Variants in ERLIN2 observed in about 807,000 individuals in gnomAD.
ERLIN2 encodes the protein erlin-2.
In ERLIN2, 22 loss-of-function variants were observed where a neutral mutation model predicts 41.5. That is an observed-to-expected ratio of 0.53 (90% CI 0.38 to 0.76). The LOEUF (loss-of-function observed/expected upper bound fraction) is 0.76. ERLIN2 is among the 30% of genes least tolerant of loss of function. The pLI is 0.00. For synonymous variants in ERLIN2, 149 were observed against 150.9 expected (o/e 0.99, Z 0.09); for missense variants, 247 against 414.3 (o/e 0.60, Z 3.51).
chr8:37,740,456 G>C lies in ERLIN2; in HGVS notation c.189+10G>C. On this transcript the variant is annotated intron_variant, in intron 3 of 11. Transcript: ENST00000519638. ...ATATAAGTCTGTGCAGGTATGCTTG[G>C]CCTCTGTGGTATGGCTGGACGACTG... 1.2e-6 allele frequency: 2 copies of C among 1,607,670 alleles called. No individual in the cohort carries two copies. The highest frequency in any genetic ancestry group is 1.7e-6 in the Non-Finnish European group (2 of 1,174,950).
chr8:37,741,705 G>A lies in ERLIN2; in HGVS notation c.190-67G>A, dbSNP rs1410139397. ...GTTATTCCAGGACAAAGGCATTTAG[G>A]ATTCTGAAAAGTAAGTTACTTTGTC... On this transcript the variant is annotated intron_variant, in intron 3 of 11. Transcript: ENST00000519638. The surrounding 1 kb of genome is among the most constrained non-coding windows in gnomAD (Gnocchi z 4.8). 6 of 1,204,746 alleles carry A rather than the reference G, an allele frequency of 5.0e-6. No individual in the cohort carries two copies. Among genetic ancestry groups the A allele is most frequent in the Admixed American group, 1.7e-5 (1 of 59,412 alleles). The allele number at this position is 1,204,746 out of a possible 1,614,324, so 74.6% of individuals were successfully genotyped here. A position where few individuals can be genotyped will look rare whatever the true frequency, so the allele number is the denominator to read the frequency against.
intron 6 of ERLIN2, chr8:37,747,702 G>T (rs1803099584): frequency 6.3e-7 from 1 of 1,580,856 alleles, no homozygotes; most frequent in Admixed American, 1.7e-5. Context: ...GGGATTGGTA[G>T]AAGAGCAGCA....
chr8:37,750,362 C>T (rs1410086835), intron 8 of ERLIN2, 33 bp from the exon 9 acceptor site: 2 of 1,565,328 alleles, frequency 1.3e-6, no homozygotes, highest in Admixed American at 1.7e-5. Context: ...CTGAGTTTTC[C>T]ATAGCTGCCT....
chr8:37,745,179 A>T (rs1380238938), intron 6 of ERLIN2: 2 of 476,154 alleles, frequency 4.2e-6, no homozygotes, highest in Non-Finnish European at 7.4e-6. Context: ...TCTTCTCACC[A>T]TGCAACACTG....
In ERLIN2 at chr8:37,744,672, C is replaced by G; in HGVS notation, c.400C>G (p.Gln134Glu). 6.2e-7 allele frequency: 1 copy of G among 1,614,166 alleles called. No individual in the cohort carries two copies. Among genetic ancestry groups the G allele is most frequent in the South Asian group, 1.1e-5 (1 of 91,088 alleles). Residue 134 changes from glutamine to glutamate, a missense_variant, in exon 6 of 12, where the codon CAA becomes GAA. This residue lies in a region of ERLIN2 where 153 missense variants were observed against 256.4 expected (regional missense o/e 0.60). Transcript: ENST00000519638. ...LNQFCSVHTL[Q>E]EVYIELFDQI... Reference sequence around the variant, plus strand: ...CCAGTTCTGCAGTGTGCACACGCTTCAAGAGGTCTACATTGAGCTGTTTGG... The same window carrying G: ...CCAGTTCTGCAGTGTGCACACGCTTGAAGAGGTCTACATTGAGCTGTTTGG...
Position 37,744,342 on chromosome 8 carries a change from C to G in ERLIN2, c.237-13C>G, listed in dbSNP as rs1563313080. The stretch of plus-strand genomic sequence containing the variant: ...GCTTCCCAGTGACTTCTTGTCCATT[C>G]TCCCTCCAATAGTGGTGGTGTGATG... On this transcript the variant is annotated splice_polypyrimidine_tract_variant and intron_variant, in intron 4 of 11. Coordinates refer to ENST00000519638, the MANE Select transcript of ERLIN2 (RefSeq NM_007175.8). 6.2e-7 allele frequency: 1 copy of G among 1,611,856 alleles called. No homozygotes were observed. Among genetic ancestry groups the G allele is most frequent in the Non-Finnish European group, 8.5e-7 (1 of 1,177,870 alleles).
At chr8:37,746,695 T>C (rs1803064597) in intron 6 of ERLIN2, 1 of 219,112 alleles carries the variant, frequency 4.6e-6, no homozygotes, top group South Asian at 1.6e-4. Flanking sequence ...GGATCTGAGC[T>C]GTCTTACCCG....
At chr8:37,750,542 G>A in intron 9 of ERLIN2, 56 bp downstream of exon 9, 1 of 1,455,414 alleles carries the variant, frequency 6.9e-7, no homozygotes, top group Non-Finnish European at 9.6e-7. Flanking sequence ...GGGGTGGTGG[G>A]AAGATGCAAG....
At chr8:37,745,786 T>C (rs1803024955) in intron 6 of ERLIN2, 1 of 1,444,256 alleles carries the variant, frequency 6.9e-7, no homozygotes, top group Non-Finnish European at 9.1e-7. Flanking sequence ...TGTAGTCTTT[T>C]ATCTGTTTTG....
intron 2 of ERLIN2, among the ~76,000 whole-genome samples, chr8:37,738,275 T>C (rs960273821): frequency 1.3e-5 from 2 of 152,222 alleles, no homozygotes; most frequent in Non-Finnish European, 2.9e-5. Flanking sequence ...TTAATAAATG[T>C]GTATATAGAT....
rs1309569327 is a variant in ERLIN2 at position 37,741,133 on chromosome 8, C to A, written c.190-639C>A. 6.6e-6 allele frequency among the ~76,000 whole-genome samples: 1 copy of A among 152,146 alleles called. No individual in the cohort carries two copies. The highest frequency in any genetic ancestry group is 2.4e-5 in the African/African-American group (1 of 41,434). ...GCTGAGCATGTGCTAGGGTCTGAGACAGGTTAAATAGGTAATCTGCTGTTT... is the reference window on the plus strand; with the variant it reads ...GCTGAGCATGTGCTAGGGTCTGAGAAAGGTTAAATAGGTAATCTGCTGTTT... On this transcript the variant is annotated intron_variant, in intron 3 of 11. Coordinates refer to ENST00000519638, the MANE Select transcript of ERLIN2 (RefSeq NM_007175.8). The surrounding 1 kb of genome is among the most constrained non-coding windows in gnomAD (Gnocchi z 4.8).
In ERLIN2 at chr8:37,749,651, G is replaced by C; in HGVS notation, c.498+19G>C. 1 of 1,590,268 alleles carries C rather than the reference G, an allele frequency of 6.3e-7. No homozygotes were observed. Among genetic ancestry groups the C allele is most frequent in the Non-Finnish European group, 8.6e-7 (1 of 1,158,276 alleles). On this transcript the variant is annotated intron_variant, in intron 7 of 11. Coordinates refer to ENST00000519638, the MANE Select transcript of ERLIN2 (RefSeq NM_007175.8). Reference sequence around the variant, plus strand: ...CATTCAAGTAAGCATTGCTGCATGGGAGCAGCCCCTCTCTCTCTGACACTG... The same window carrying C: ...CATTCAAGTAAGCATTGCTGCATGGCAGCAGCCCCTCTCTCTCTGACACTG...
At chr8:37,748,941 C>T (rs575599792) in intron 6 of ERLIN2, among the ~76,000 whole-genome samples, 17 of 152,220 alleles carry the variant, frequency 1.1e-4, no homozygotes, top group African/African-American at 4.1e-4. Context: ...AAATCAGGAC[C>T]AAAGCAAACA....
At chr8:37,748,693 A>G (rs1803135867) in intron 6 of ERLIN2, among the ~76,000 whole-genome samples, 2 of 152,244 alleles carry the variant, frequency 1.3e-5, no homozygotes, top group Admixed American at 1.3e-4. Flanking sequence ...GATGCAGTGT[A>G]CAAGTCCCAG....
At chr8:37,747,556 T>A in intron 6 of ERLIN2, 1 of 1,612,442 alleles carries the variant, frequency 6.2e-7, no homozygotes, top group Non-Finnish European at 8.5e-7. Context: ...CTTGCCCATG[T>A]CTTTGGTCCG....
At chr8:37,750,339 G>A in intron 8 of ERLIN2, 56 bp from the exon 9 acceptor site, 1 of 1,341,738 alleles carries the variant, frequency 7.5e-7, no homozygotes, top group Non-Finnish European at 1.1e-6. Flanking sequence ...CTTACCTGGG[G>A]ATAGTGAAGC....
At chr8:37,752,905 G>A (rs1342891942) in intron 10 of ERLIN2, among the ~76,000 whole-genome samples, 1 of 152,184 alleles carries the variant, frequency 6.6e-6, no homozygotes, top group Non-Finnish European at 1.5e-5. Context: ...AATGATTGAT[G>A]GAAATAAAAG....
intron 6 of ERLIN2, among the ~76,000 whole-genome samples, chr8:37,746,836 A>G (rs1160610734): frequency 1.3e-5 from 2 of 152,258 alleles, no homozygotes; most frequent in Non-Finnish European, 2.9e-5. Context: ...CTCTGACAGT[A>G]GAAAGATTCA....
chr8:37,747,668 A>G (rs1803097124), intron 6 of ERLIN2: 1 of 1,596,646 alleles, frequency 6.3e-7, no homozygotes, highest in Non-Finnish European at 8.6e-7. Context: ...TCCACAATGA[A>G]GGTAACGGGA....
Sources: allele counts gnomAD v4.1 joint callset (sites outside exome capture counted in the v4.1 genomes callset), GRCh38; gene constraint gnomAD v4.1.1; regional missense constraint gnomAD v4.1.1; non-coding constraint Gnocchi (gnomAD v3.1); transcripts MANE v1.5; gene names NCBI Gene and HGNC (gene_info 2026-07-23, HGNC 2026-07-21).